PIK3C2A: variants seen among roughly 807,000 people sequenced by gnomAD.
The protein encoded by PIK3C2A is phosphatidylinositol-4-phosphate 3-kinase catalytic subunit type 2 alpha.
Under a neutral mutation model 204.5 loss-of-function variants are expected in PIK3C2A, and 97 were observed. The ratio of observed to expected loss-of-function variants is 0.47; its 90% confidence interval spans 0.40 to 0.56. PIK3C2A has a LOEUF of 0.56. Ranked by LOEUF, PIK3C2A falls within the 20% of genes least tolerant of loss-of-function variation. The probability of loss-of-function intolerance (pLI) is 0.00; values close to 1 mark genes in which losing one functional copy is unlikely to be tolerated. For synonymous variants in PIK3C2A, 653 were observed against 664.4 expected, an observed-to-expected ratio of 0.98 and a Z score of 0.26; for missense variants, 1,735 against 1,969.2, an observed-to-expected ratio of 0.88 and a Z score of 2.25.
rs770019192 is a variant in PIK3C2A, at chr11:17,101,408, G to A, written c.3878C>T (p.Ser1293Phe). 3 of 1,569,952 alleles carry A rather than the reference G, an allele frequency of 1.9e-6. 1 individual carries two copies. Among genetic ancestry groups the A allele is most frequent in the South Asian group, 2.3e-5 (2 of 85,788 alleles). ...KRDRAPFVLTSDMAYVINGGE... is the reference protein window; with the variant it reads ...KRDRAPFVLTFDMAYVINGGE... ...CCCATTAATGACATATGCCATATCA[G>A]AGGTCAGCACAAAAGGAGCCCGATC... Residue 1293 changes from serine (S) to phenylalanine (F), a missense_variant, in exon 25 of 33, where the codon TCT (serine) becomes TTT (phenylalanine). By Grantham distance (155) the Ser-to-Phe change is radical. Coordinates refer to ENST00000691414, the MANE Select transcript of PIK3C2A (RefSeq NM_002645.4).
intron 1 of PIK3C2A, among the ~76,000 whole-genome samples, chr11:17,207,432 G>A (rs1852620763): frequency 6.6e-6 from 1 of 152,150 alleles, no homozygotes; most frequent in Admixed American, 6.5e-5. Flanking sequence ...ACACACACTC[G>A]CCAGAACTAA....
rs113876830 is a variant in PIK3C2A at position 17,145,728 on chromosome 11, G to T, written c.1644C>A (p.His548Gln). The T allele has an allele frequency of 1.2e-5, 20 of 1,604,060 alleles. No homozygotes were observed. The African/African-American group carries it at 2.0e-4, about 16-fold the overall frequency. The change falls in exon 8 of 33, where the codon CAC (histidine) becomes CAA (glutamine). Residue 548 changes from histidine to glutamine, a missense_variant. By Grantham distance (24) the His-to-Gln change is conservative. Coordinates refer to ENST00000691414, the MANE Select transcript of PIK3C2A (RefSeq NM_002645.4). Reference sequence around the variant, plus strand: ...AAGAATCTAAGAGTTCTTCAACAGGGTGTCTGAAAGAAACAACAGTTATTG... The same window carrying T: ...AAGAATCTAAGAGTTCTTCAACAGGTTGTCTGAAAGAAACAACAGTTATTG... The part of the protein sequence containing the change: ...EKPCKEAMTR[H>Q]PVEELLDSYH...
chr11:17,135,263 A>G, intron 9 of PIK3C2A, 104 bp from the exon 10 acceptor site: 1 of 1,024,478 alleles, frequency 9.8e-7, no homozygotes, highest in Non-Finnish European at 1.5e-6. Flanking sequence ...AAACCTCCCA[A>G]GTATCTACAG....
chr11:17,129,993 A>G (rs1849644426), intron 12 of PIK3C2A, among the ~76,000 whole-genome samples: 1 of 152,236 alleles, frequency 6.6e-6, no homozygotes, highest in South Asian at 2.1e-4. Flanking sequence ...ATTTCAAAAT[A>G]TAACATTTCT....
At chr11:17,109,319 A>G (rs1311114091) in intron 22 of PIK3C2A, among the ~76,000 whole-genome samples, 1 of 152,242 alleles carries the variant, frequency 6.6e-6, no homozygotes, top group Non-Finnish European at 1.5e-5. Context: ...CTTCTAAAAT[A>G]TGAGTACCAT....
chr11:17,192,447 A>T (rs527966194), intron 1 of PIK3C2A, among the ~76,000 whole-genome samples: 2 of 152,178 alleles, frequency 1.3e-5, no homozygotes, highest in East Asian at 3.9e-4. Flanking sequence ...CCCACAAAAG[A>T]ACTGTATTTT....
Position 17,119,918 on chromosome 11 carries a change from T to C in PIK3C2A, c.2714A>G (p.His905Arg), listed in dbSNP as rs746128925. Residue 905 changes from histidine (H) to arginine (R), a missense_variant, in exon 16 of 33, where the codon CAC becomes CGC. By Grantham distance (29) the His-to-Arg change is conservative. This residue lies in a region of PIK3C2A where 567 missense variants were observed against 576.0 expected (regional missense o/e 0.98). Coordinates refer to ENST00000691414, the MANE Select transcript of PIK3C2A (RefSeq NM_002645.4). The stretch of plus-strand genomic sequence containing the variant: ...TAATATTTTAGGAAGACAATTTGGG[T>C]GTTTGAAGCAATAATAACGTTTCTC... ...LWEKRYYCFK[H>R]PNCLPKILAS... 7.5e-6 allele frequency: 12 copies of C among 1,609,388 alleles called. No homozygotes were observed. The highest frequency in any genetic ancestry group is 1.6e-4 in the Middle Eastern group (1 of 6,070).
At chr11:17,148,033 CA>C (rs1850303078) in intron 5 of PIK3C2A, among the ~76,000 whole-genome samples, 1 of 151,940 alleles carries the variant, frequency 6.6e-6, no homozygotes, top group African/African-American at 2.4e-5. Context: ...GCCTGACCAA[CA>C]GGCTGTATTG....
chr11:17,162,702 T>TA (rs1200531110), intron 2 of PIK3C2A, among the ~76,000 whole-genome samples: 7 of 152,208 alleles, frequency 4.6e-5, no homozygotes, highest in African/African-American at 1.7e-4. Context: ...TTTCTGACCA[T>TA]AAATCTTCCA....
intron 4 of PIK3C2A, among the ~76,000 whole-genome samples, chr11:17,149,647 T>A (rs1850364786): frequency 6.6e-6 from 1 of 152,060 alleles, no homozygotes; most frequent in African/African-American, 2.4e-5. Flanking sequence ...TCTGTCACCC[T>A]CACTGCAGTG....
At chr11:17,195,983 G>A (rs1228344690) in intron 1 of PIK3C2A, among the ~76,000 whole-genome samples, 1 of 151,984 alleles carries the variant, frequency 6.6e-6, no homozygotes, top group Non-Finnish European at 1.5e-5. Flanking sequence ...AGCTTGCAGT[G>A]AGCCGAGATA....
At position 17,124,660 on chromosome 11, in the gene PIK3C2A, G is replaced by T. The variant is rs374162612; in HGVS notation, c.2400-1847C>A. Reference sequence around the variant, plus strand: ...TGTAAATAAACTTTTACCAGACATAGCCATGCTCATTTGTTAATGTACTGT... The same window carrying T: ...TGTAAATAAACTTTTACCAGACATATCCATGCTCATTTGTTAATGTACTGT... On this transcript the variant is annotated intron_variant, in intron 13 of 32. Transcript: ENST00000691414. 3.7e-4 allele frequency among the ~76,000 whole-genome samples: 57 copies of T among 152,244 alleles called. 1 individual carries two copies. In the South Asian group the frequency reaches 0.012, roughly 31 times the overall value.
intron 32 of PIK3C2A, among the ~76,000 whole-genome samples, 167 bp downstream of exon 32, chr11:17,091,167 C>T (rs1022643144): frequency 1.3e-5 from 2 of 152,084 alleles, no homozygotes; most frequent in African/African-American, 4.8e-5. Context: ...ATAGCTAATG[C>T]ATGCTGGGCT....
At chr11:17,148,819 G>A in intron 4 of PIK3C2A, 32 bp from the exon 5 acceptor site, 1 of 1,575,804 alleles carries the variant, frequency 6.3e-7, no homozygotes, top group Non-Finnish European at 8.7e-7. Context: ...TTTTCACTTT[G>A]CTCATTTATA....
At chr11:17,095,891 T>C (rs1224254865) in intron 27 of PIK3C2A, among the ~76,000 whole-genome samples, 1 of 151,488 alleles carries the variant, frequency 6.6e-6, no homozygotes, top group Non-Finnish European at 1.5e-5. Context: ...CACTCCAGCC[T>C]GGGCAACAGA....
rs118162706 is a variant in PIK3C2A, at chr11:17,188,291, A to T, written c.-65-18485T>A. Among the ~76,000 whole-genome samples, 1,353 of 146,470 alleles carry T rather than the reference A, an allele frequency of 9.2e-3. 63 individuals carry two copies. The highest frequency in any genetic ancestry group is 0.012 in the Non-Finnish European group (825 of 67,884). ...GAGGTGGAGATTGCAGTGAGCTGAG[A>T]TCATGCACCACTACACTCCAACCTG... On this transcript the variant is annotated intron_variant, in intron 1 of 32. Transcript: ENST00000691414.
intron 1 of PIK3C2A, among the ~76,000 whole-genome samples, chr11:17,171,678 A>C (rs911952341): frequency 2.6e-5 from 4 of 152,246 alleles, no homozygotes; most frequent in African/African-American, 9.6e-5. Flanking sequence ...TACTGTATGT[A>C]AACTTTATAT....
chr11:17,131,820 G>T, intron 12 of PIK3C2A, 96 bp downstream of exon 12: 1 of 947,232 alleles, frequency 1.1e-6, no homozygotes. Context: ...GAATTTCAAT[G>T]AAAATTGCAA....
rs144634200 is a variant in PIK3C2A at position 17,182,706 on chromosome 11, A to G, written c.-65-12900T>C. Among the ~76,000 whole-genome samples the G allele has an allele frequency of 5.9e-3, 904 of 152,292 alleles. 18 individuals carry two copies. Among genetic ancestry groups the G allele is most frequent in the African/African-American group, 0.021 (860 of 41,560 alleles). On this transcript the variant is annotated intron_variant, in intron 1 of 32. Coordinates refer to ENST00000691414, the MANE Select transcript of PIK3C2A (RefSeq NM_002645.4). ...ATTAAGGAGACTGCTGTCACTCATT[A>G]AGAGACATGGGGAAAGGATAAGACT...
Sources: gnomAD v4.1 joint callset for allele counts (sites outside exome capture counted in the v4.1 genomes callset) on GRCh38, gnomAD v4.1.1 for gene constraint, gnomAD v4.1.1 regional missense constraint, MANE v1.5 for transcripts, NCBI Gene and HGNC (gene_info 2026-07-23, HGNC 2026-07-21) for gene names.